Variants in UBE3B observed in about 807,000 individuals in gnomAD.
The protein encoded by UBE3B is ubiquitin-protein ligase E3B.
A neutral mutation model predicts 132.3 loss-of-function variants in UBE3B; 80 were observed. The ratio of observed to expected loss-of-function variants is 0.60; its 90% CI spans 0.50 to 0.73. UBE3B has a LOEUF of 0.73. Among genes scored for constraint, UBE3B ranks in the 30% least tolerant of loss-of-function variants. The probability of loss-of-function intolerance (pLI) is 0.00; values close to 1 mark genes in which losing one functional copy is unlikely to be tolerated. For synonymous variants in UBE3B, 487 were observed against 520.4 expected (o/e 0.94, Z 0.87); for missense variants, 1,196 against 1,362.5 (o/e 0.88, Z 1.92).
In UBE3B at chr12:109,522,940, G is replaced by A. The variant is rs960870586; in HGVS notation, c.2365-1038G>A. On this transcript the variant is annotated intron_variant, in intron 21 of 27. Transcript: ENST00000342494. This position sits in a 1 kb window ranked among gnomAD's most constrained non-coding sequence, Gnocchi z 4.2. ...ATGGCATATGTTTTCCTTTAAACAC[G>A]TTGCTGTGATGACACTCAGAAGAGC... is the stretch of plus-strand genomic sequence containing the variant. Among the ~76,000 whole-genome samples, 6 of 152,164 alleles carry A rather than the reference G, an allele frequency of 3.9e-5. No individual in the cohort carries two copies. The highest frequency in any genetic ancestry group is 3.3e-4 in the Admixed American group (5 of 15,280).
In UBE3B at chr12:109,508,562, T is replaced by G. The variant is rs1879969610; in HGVS notation, c.1622+827T>G. 4.1e-6 allele frequency: 4 copies of G among 985,386 alleles called. No homozygotes were observed. The South Asian group carries it at 1.9e-4, about 46-fold the overall frequency. 61.0% of individuals were successfully genotyped at this position (985,386 alleles called of 1,614,324 possible). ...GAAGAATTATAAGATACAATGGACC[T>G]CAGGCAGTTATGTTCAGGCTGGAAG... On this transcript the variant is annotated intron_variant, in intron 15 of 27. Coordinates refer to ENST00000342494, the MANE Select transcript of UBE3B (RefSeq NM_130466.4).
intron 9 of UBE3B, among the ~76,000 whole-genome samples, chr12:109,496,156 A>C (rs1209633140): frequency 2.0e-5 from 3 of 152,210 alleles, no homozygotes; most frequent in Non-Finnish European, 4.4e-5. Flanking sequence ...ACATAAATGG[A>C]ATCACATCAT....
At chr12:109,531,996 T>G (rs1351139192) in intron 26 of UBE3B, among the ~76,000 whole-genome samples, 3 of 152,086 alleles carry the variant, frequency 2.0e-5, no homozygotes, top group Non-Finnish European at 4.4e-5. Flanking sequence ...AGAAGAAATG[T>G]AACCCTTGCC....
intron 19 of UBE3B, chr12:109,520,801 TGAGA>T (rs895264519): frequency 1.0e-5 from 2 of 192,478 alleles, no homozygotes; most frequent in South Asian, 1.7e-4. Context: ...CTCTTAGCAT[TGAGA>T]GAGAGAGAAA....
intron 10 of UBE3B, 27 bp from the exon 11 acceptor site, chr12:109,498,199 AGTTTCTG>A: frequency 1.2e-6 from 2 of 1,611,536 alleles, no homozygotes; most frequent in Non-Finnish European, 1.7e-6. Context: ...TGTTTCTGGC[AGTTTCTG>A]ATTTAACGGT....
chr12:109,499,610 C>T (rs748371643), intron 11 of UBE3B, 23 bp from the exon 12 acceptor site: 68 of 1,565,464 alleles, frequency 4.3e-5, no homozygotes, highest in Non-Finnish European at 5.8e-5. Context: ...GGGCCCATCA[C>T]ACTCAGCCTT....
At chr12:109,518,459 G>T (rs754848171) in intron 19 of UBE3B, among the ~76,000 whole-genome samples, 2 of 152,220 alleles carry the variant, frequency 1.3e-5, no homozygotes, top group Non-Finnish European at 2.9e-5. Flanking sequence ...AATTCAACCT[G>T]TGGGCCACCC....
chr12:109,521,628 G>GA lies in UBE3B; in HGVS notation c.2364+78dup. Reference sequence around the variant, plus strand: ...TGGGCTTCTTCACATACACATATGTGATCAGGCTTGGCCATGTAAACTGTC... The same window carrying GA: ...TGGGCTTCTTCACATACACATATGTGAATCAGGCTTGGCCATGTAAACTGTC... On this transcript the variant is annotated intron_variant, in intron 21 of 27. Transcript: ENST00000342494. The surrounding 1 kb of genome is among the most constrained non-coding windows in gnomAD (Gnocchi z 4.2). 9 of 1,355,822 alleles carry GA rather than the reference G, an allele frequency of 6.6e-6. No individual in the cohort carries two copies. Among genetic ancestry groups the GA allele is most frequent in the South Asian group, 1.5e-5 (1 of 65,946 alleles). The allele number at this position is 1,355,822 out of a possible 1,614,324, so 84.0% of individuals were successfully genotyped here.
intron 4 of UBE3B, among the ~76,000 whole-genome samples, chr12:109,485,434 AC>A (rs1228417400): frequency 1.3e-5 from 2 of 152,238 alleles, no homozygotes; most frequent in African/African-American, 2.4e-5. Flanking sequence ...GAGGAGGTGA[AC>A]CTCATCTTAC....
At chr12:109,509,103 T>C (rs929775587) in intron 15 of UBE3B, 4 of 152,186 alleles carry the variant, frequency 2.6e-5, no homozygotes, top group African/African-American at 9.7e-5. Context: ...TAATAGAAAG[T>C]AGAAAGGATA....
intron 24 of UBE3B, among the ~76,000 whole-genome samples, chr12:109,529,457 A>G (rs1479136466): frequency 2.0e-5 from 3 of 152,188 alleles, no homozygotes; most frequent in Non-Finnish European, 4.4e-5. Context: ...ACATGAAACA[A>G]TTTTTTTCTA....
chr12:109,484,182 G>A (rs971833078), intron 4 of UBE3B, among the ~76,000 whole-genome samples: 3 of 152,108 alleles, frequency 2.0e-5, no homozygotes, highest in African/African-American at 7.2e-5. Context: ...ACCATTATAA[G>A]CACAAGTTGA....
Position 109,483,973 on chromosome 12 carries a change from G to A in UBE3B, c.274G>A (p.Asp92Asn). ...GCTGTTCCTATTCAGAATCAAAGAG[G>A]ATAATGAGGTAAAACGATAATAGCA... is the stretch of plus-strand genomic sequence containing the variant. Reference protein sequence around the residue: ...KLLFLFRIKEDNERFEKLCRS... With the variant: ...KLLFLFRIKENNERFEKLCRS... Residue 92 changes from aspartate (D) to asparagine (N), a missense_variant, in exon 4 of 28, where the codon GAT becomes AAT. Asp to Asn is a conservative substitution (Grantham distance 23). Transcript: ENST00000342494. 6.2e-7 allele frequency: 1 copy of A among 1,611,472 alleles called. No homozygotes were observed. Among genetic ancestry groups the A allele is most frequent in the South Asian group, 1.1e-5 (1 of 90,118 alleles).
intron 15 of UBE3B, chr12:109,508,470 G>A (rs2135974172): frequency 1.0e-6 from 1 of 977,040 alleles, no homozygotes; most frequent in South Asian, 4.7e-5. Context: ...AGTTCCTTTG[G>A]TTTTTAAGCT....
chr12:109,483,779 T>G, intron 3 of UBE3B, 67 bp downstream of exon 3: 1 of 1,580,844 alleles, frequency 6.3e-7, no homozygotes, highest in Middle Eastern at 1.7e-4. Flanking sequence ...AAATGAGTTT[T>G]TTCTCATAAA....
chr12:109,503,240 T>C (rs766230277), intron 14 of UBE3B, 50 bp downstream of exon 14: 2 of 1,587,560 alleles, frequency 1.3e-6, no homozygotes, highest in East Asian at 4.5e-5. Context: ...TGGCAGACAG[T>C]TTGTCTTAGC....
At chr12:109,527,581 C>T (rs1882488757) in intron 24 of UBE3B, among the ~76,000 whole-genome samples, 1 of 152,180 alleles carries the variant, frequency 6.6e-6, no homozygotes, top group Non-Finnish European at 1.5e-5. Flanking sequence ...TTTAGACTGT[C>T]AGAAACGTCA....
At chr12:109,514,096 T>G (rs1880699519) in intron 18 of UBE3B, among the ~76,000 whole-genome samples, 1 of 152,242 alleles carries the variant, frequency 6.6e-6, no homozygotes, top group Admixed American at 6.5e-5. Flanking sequence ...CAGCTCTGCC[T>G]GGCTCACGTG....
intron 14 of UBE3B, 33 bp from the exon 15 acceptor site, chr12:109,507,531 C>T: frequency 6.3e-7 from 1 of 1,599,102 alleles, no homozygotes; most frequent in Non-Finnish European, 8.5e-7. Context: ...GGAGTCTCCA[C>T]CTGAAGCTTG....
Sources: allele counts gnomAD v4.1 joint callset (sites outside exome capture counted in the v4.1 genomes callset), GRCh38; gene constraint gnomAD v4.1.1; non-coding constraint Gnocchi (gnomAD v3.1); transcripts MANE v1.5; gene names NCBI Gene and HGNC (gene_info 2026-07-23, HGNC 2026-07-21).